Variants in LINGO2 observed in about 807,000 individuals in gnomAD.
LINGO2 encodes the protein leucine-rich repeat and immunoglobulin-like domain-containing nogo receptor-interacting protein 2.
LINGO2 carries 14 observed loss-of-function variants against 30.6 expected under a neutral mutation model. The observed-to-expected ratio is 0.46, with a 90% CI of 0.30 to 0.72. LINGO2 has a LOEUF of 0.72. Ranked by LOEUF, LINGO2 falls within the 30% of genes least tolerant of loss-of-function variation. The probability of loss-of-function intolerance (pLI) is 0.07; values close to 1 mark genes in which losing one functional copy is unlikely to be tolerated. For synonymous variants in LINGO2, 317 were observed against 288.5 expected (o/e 1.10, Z -1.00); for missense variants, 729 against 751.7 (o/e 0.97, Z 0.35).
intron 3 of LINGO2, among the ~76,000 whole-genome samples, chr9:28,307,961 C>T (rs374648718): frequency 1.3e-5 from 2 of 151,876 alleles, no homozygotes; most frequent in East Asian, 1.9e-4. Flanking sequence ...ACATTCCATG[C>T]TCATGGGTAG....
chr9:28,314,828 C>A (rs1382834115), intron 3 of LINGO2, among the ~76,000 whole-genome samples: 1 of 151,452 alleles, frequency 6.6e-6, no homozygotes, highest in Non-Finnish European at 1.5e-5. Flanking sequence ...ACTAAAAATA[C>A]CAAAAAATTA....
intron 1 of LINGO2, among the ~76,000 whole-genome samples, chr9:28,551,630 G>A (rs998230630): frequency 2.0e-5 from 3 of 151,898 alleles, no homozygotes; most frequent in African/African-American, 7.2e-5. Flanking sequence ...GCTTCTCAGA[G>A]GCAACCACTT....
intron 1 of LINGO2, among the ~76,000 whole-genome samples, chr9:28,653,694 C>G (rs763378459): frequency 6.6e-6 from 1 of 152,116 alleles, no homozygotes; most frequent in African/African-American, 2.4e-5. Context: ...ATCTTTATCT[C>G]CATACCTTCA....
chr9:29,019,449 T>A, the LINGO2 span, among the ~76,000 whole-genome samples: 5 of 152,204 alleles, frequency 3.3e-5, no homozygotes, highest in African/African-American at 9.6e-5. Context: ...ATACCCCCCA[T>A]TTGTGCATGG....
At chr9:28,661,310 A>C (rs917181219) in intron 1 of LINGO2, among the ~76,000 whole-genome samples, 1 of 152,160 alleles carries the variant, frequency 6.6e-6, no homozygotes, top group Non-Finnish European at 1.5e-5. Flanking sequence ...TATCTGTCAG[A>C]AAGTTGAAAA....
chr9:28,237,125 G>GGGC (rs1554691308), intron 4 of LINGO2, among the ~76,000 whole-genome samples: 2 of 137,046 alleles, frequency 1.5e-5, no homozygotes, highest in Non-Finnish European at 3.1e-5. Flanking sequence ...TGCGGGGGGG[G>GGGC]GGTAAAGTTA....
chr9:28,073,418 AAAAAC>A (rs900620517), intron 4 of LINGO2, among the ~76,000 whole-genome samples: 5 of 152,148 alleles, frequency 3.3e-5, no homozygotes, highest in Non-Finnish European at 7.4e-5. Context: ...TAGTTAAAAC[AAAAAC>A]AAAACAAAAC....
chr9:28,490,914 T>C (rs1265336801), intron 1 of LINGO2, among the ~76,000 whole-genome samples: 2 of 152,216 alleles, frequency 1.3e-5, no homozygotes, highest in Non-Finnish European at 2.9e-5. Context: ...AAAAGATGTT[T>C]ATTGTAAAAT....
chr9:29,206,010 T>C, the LINGO2 span, among the ~76,000 whole-genome samples: 1 of 152,370 alleles, frequency 6.6e-6, no homozygotes, highest in Admixed American at 6.5e-5. Context: ...TTCTTTCAAG[T>C]AGCATATTGT....
the LINGO2 span, among the ~76,000 whole-genome samples, chr9:29,065,971 T>A: frequency 6.6e-6 from 1 of 151,964 alleles, no homozygotes; most frequent in Non-Finnish European, 1.5e-5. Flanking sequence ...CAACAAAATA[T>A]TTAAGCAAAG....
chr9:27,993,568 G>C (rs1461791660), intron 5 of LINGO2, among the ~76,000 whole-genome samples: 2 of 152,024 alleles, frequency 1.3e-5, no homozygotes, highest in Admixed American at 1.3e-4. Flanking sequence ...TTCATATCTA[G>C]CCACAACTTT....
the LINGO2 span, among the ~76,000 whole-genome samples, chr9:28,854,328 T>A: frequency 5.3e-5 from 8 of 152,120 alleles, no homozygotes; most frequent in East Asian, 1.6e-3. Flanking sequence ...AAACAATGGG[T>A]TATGATACCC....
chr9:29,120,168 C>T, the LINGO2 span, among the ~76,000 whole-genome samples: 1 of 152,114 alleles, frequency 6.6e-6, no homozygotes, highest in Non-Finnish European at 1.5e-5. Context: ...TGGAGACATC[C>T]ATGTTAGCCA....
chr9:28,525,899 C>CA (rs1309825006), intron 1 of LINGO2, among the ~76,000 whole-genome samples: 28 of 151,436 alleles, frequency 1.8e-4, no homozygotes, highest in African/African-American at 6.0e-4. Context: ...ACTAAGAATA[C>CA]AAAAAAATTA....
chr9:28,682,263 A>G, the LINGO2 span, among the ~76,000 whole-genome samples: 56,308 of 151,992 alleles, frequency 0.37, 11,692 homozygotes, highest in African/African-American at 0.55. Flanking sequence ...GATTTGGCAG[A>G]TGGAAAAAAG....
the LINGO2 span, among the ~76,000 whole-genome samples, chr9:28,700,444 GT>G: frequency 9.2e-3 from 1,406 of 152,022 alleles, 21 homozygotes; most frequent in African/African-American, 0.033. Context: ...GTTCCTCCAT[GT>G]TTTTTTGTGA....
At chr9:28,812,064 T>A in the LINGO2 span, among the ~76,000 whole-genome samples, 2 of 150,100 alleles carry the variant, frequency 1.3e-5, no homozygotes, top group East Asian at 3.9e-4. Flanking sequence ...GGCTTCATTC[T>A]TGTGGCAATT....
In LINGO2 at chr9:28,662,380, T is replaced by C. The variant is rs113530646; in HGVS notation, c.-365+7820A>G. On this transcript the variant is annotated intron_variant, in intron 1 of 5. Coordinates refer to ENST00000379992, the Ensembl canonical transcript of LINGO2. ...TTTATTATTCTGTCTAAATTGTTCT[T>C]GACACAGACTTAGAATGTTAATATT... is the stretch of plus-strand genomic sequence containing the variant. Among the ~76,000 whole-genome samples, 40 of 152,298 alleles carry C rather than the reference T, an allele frequency of 2.6e-4. 1 individual carries two copies. The highest frequency in any genetic ancestry group is 8.9e-4 in the African/African-American group (37 of 41,558).
At chr9:29,046,186 G>C in the LINGO2 span, among the ~76,000 whole-genome samples, 1 of 152,272 alleles carries the variant, frequency 6.6e-6, no homozygotes, top group East Asian at 1.9e-4. Flanking sequence ...GAAGTGGTGA[G>C]AGAAGGCATC....
Sources: allele counts gnomAD v4.1 joint callset (sites outside exome capture counted in the v4.1 genomes callset), GRCh38; gene constraint gnomAD v4.1.1; transcripts MANE v1.5; gene names NCBI Gene and HGNC (gene_info 2026-07-23, HGNC 2026-07-21).